The following PICALM variants were observed in gnomAD, a reference collection of about 807,000 sequenced individuals.
PICALM encodes the protein phosphatidylinositol binding clathrin assembly protein.
PICALM carries 40 observed loss-of-function variants against 80.5 expected under a neutral mutation model. The observed-to-expected ratio is 0.50, with a 90% CI of 0.39 to 0.65. PICALM has a LOEUF of 0.65. PICALM is among the 30% of genes least tolerant of loss of function. The pLI, the probability that PICALM is intolerant of heterozygous loss-of-function variation, is 0.00. For synonymous variants in PICALM, 288 were observed against 260.3 expected, an observed-to-expected ratio of 1.11 and a Z score of -1.02; for missense variants, 676 against 778.9, an observed-to-expected ratio of 0.87 and a Z score of 1.57.
At chr11:85,982,381 T>C (rs1336767548) in intron 14 of PICALM, among the ~76,000 whole-genome samples, 2 of 150,556 alleles carry the variant, frequency 1.3e-5, no homozygotes, top group African/African-American at 2.4e-5. Flanking sequence ...TCTGGAACTT[T>C]GAAAAAAGTT....
intron 1 of PICALM, among the ~76,000 whole-genome samples, chr11:86,046,133 T>C (rs887562368): frequency 1.3e-5 from 2 of 152,244 alleles, no homozygotes; most frequent in African/African-American, 2.4e-5. Flanking sequence ...CTAAGAGCTA[T>C]TCATTTTCAA....
intron 4 of PICALM, among the ~76,000 whole-genome samples, chr11:86,016,180 T>C (rs2095478507): frequency 6.6e-6 from 1 of 152,212 alleles, no homozygotes; most frequent in Non-Finnish European, 1.5e-5. Flanking sequence ...ATTTGAACAT[T>C]GGCTCAGTCT....
At chr11:86,020,964 A>G (rs2095553148) in intron 4 of PICALM, among the ~76,000 whole-genome samples, 1 of 152,214 alleles carries the variant, frequency 6.6e-6, no homozygotes, top group South Asian at 2.1e-4. Flanking sequence ...AATATTTGCA[A>G]ATTATTTATG....
At chr11:85,969,800 T>A (rs546424884) in intron 19 of PICALM, 6 of 182,488 alleles carry the variant, frequency 3.3e-5, no homozygotes, top group Non-Finnish European at 7.1e-5. Context: ...ATTACAGACA[T>A]GAGCCACTGT....
intron 2 of PICALM, among the ~76,000 whole-genome samples, chr11:86,028,378 T>C (rs143843985): frequency 4.6e-5 from 7 of 152,334 alleles, no homozygotes; most frequent in Non-Finnish European, 7.3e-5. Context: ...CACTCTACTA[T>C]TGTGTATATT....
intron 17 of PICALM, among the ~76,000 whole-genome samples, chr11:85,979,317 C>T (rs1472092704): frequency 1.3e-5 from 2 of 151,896 alleles, no homozygotes; most frequent in Non-Finnish European, 1.5e-5. Flanking sequence ...TAATAAAACC[C>T]AGTCTCTACT....
chr11:86,052,272 T>C (rs986347384), intron 1 of PICALM, among the ~76,000 whole-genome samples: 1 of 152,214 alleles, frequency 6.6e-6, no homozygotes, highest in Non-Finnish European at 1.5e-5. Flanking sequence ...CTTTCTGCCA[T>C]AATTGTAAGT....
At chr11:86,007,974 A>T (rs930908757) in intron 7 of PICALM, among the ~76,000 whole-genome samples, 1 of 152,064 alleles carries the variant, frequency 6.6e-6, no homozygotes, top group African/African-American at 2.4e-5. Context: ...AAAAAAATTT[A>T]AGAAACAAAC....
chr11:85,964,774 G>C (rs1480173821), intron 19 of PICALM, among the ~76,000 whole-genome samples: 2 of 152,150 alleles, frequency 1.3e-5, no homozygotes, highest in African/African-American at 4.8e-5. Flanking sequence ...TCAGGTGCAG[G>C]AAACACTTTA....
At position 85,996,735 on chromosome 11, in the gene PICALM, A is replaced by T; in HGVS notation, c.1258+91T>A. 4 of 765,646 alleles carry T rather than the reference A, an allele frequency of 5.2e-6. No individual in the cohort carries two copies. In the South Asian group the frequency reaches 6.5e-5, roughly 12 times the overall value. The allele number at this position is 765,646 out of a possible 1,614,324, so 47.4% of individuals were successfully genotyped here. A position where few individuals can be genotyped will look rare whatever the true frequency, so the allele number is the denominator to read the frequency against. On this transcript the variant is annotated intron_variant, in intron 12 of 19. Coordinates refer to ENST00000393346, the MANE Select transcript of PICALM (RefSeq NM_007166.4). ...AATACTTATCAAGTTCTCATGTATC[A>T]AGTGTAATAAAAAACTACAAATAAG... is the stretch of plus-strand genomic sequence containing the variant.
chr11:86,005,632 G>A (rs1279185052), intron 8 of PICALM, among the ~76,000 whole-genome samples: 1 of 152,152 alleles, frequency 6.6e-6, no homozygotes, highest in African/African-American at 2.4e-5. Context: ...TTGAGCCTGG[G>A]AGGGTGAGGA....
intron 19 of PICALM, among the ~76,000 whole-genome samples, chr11:85,961,772 G>T (rs931672192): frequency 6.6e-6 from 1 of 152,174 alleles, no homozygotes; most frequent in Non-Finnish European, 1.5e-5. Flanking sequence ...TGACTAACTG[G>T]AAATAGTTTC....
At chr11:85,979,175 C>A (rs1312001573) in intron 17 of PICALM, among the ~76,000 whole-genome samples, 1 of 152,120 alleles carries the variant, frequency 6.6e-6, no homozygotes, top group African/African-American at 2.4e-5. Flanking sequence ...ATCTAAACTA[C>A]TTAAATGCAA....
intron 1 of PICALM, among the ~76,000 whole-genome samples, chr11:86,033,696 C>G (rs1344222539): frequency 6.6e-6 from 1 of 152,152 alleles, no homozygotes; most frequent in Non-Finnish European, 1.5e-5. Context: ...GTCTTTCTCT[C>G]TCAATTAAAA....
chr11:86,037,697 T>TA (rs78694481), intron 1 of PICALM, among the ~76,000 whole-genome samples: 27 of 148,374 alleles, frequency 1.8e-4, no homozygotes, highest in African/African-American at 2.5e-4. Flanking sequence ...AGACACTGTC[T>TA]AAAAAAAAAA....
intron 17 of PICALM, among the ~76,000 whole-genome samples, chr11:85,979,099 C>G (rs1490572206): frequency 6.6e-6 from 1 of 152,156 alleles, no homozygotes; most frequent in African/African-American, 2.4e-5. Context: ...TGGGGTGATA[C>G]ATGCTCCAAT....
Position 86,009,463 on chromosome 11 carries a change from G to A in PICALM, c.765+1567C>T, listed in dbSNP as rs545758912. Among the ~76,000 whole-genome samples, 6 of 152,146 alleles carry A rather than the reference G, an allele frequency of 3.9e-5. No individual in the cohort carries two copies. The East Asian group carries it at 5.8e-4, about 15-fold the overall frequency. On this transcript the variant is annotated intron_variant, in intron 7 of 19. Coordinates refer to ENST00000393346, the MANE Select transcript of PICALM (RefSeq NM_007166.4). ...TCCCAGCACTTTGGGAGGCCCAGGC[G>A]GGCAGATCACCTGAGGTCAGGAGTT...
At chr11:86,035,781 A>G (rs951317416) in intron 1 of PICALM, among the ~76,000 whole-genome samples, 1 of 11,466 alleles carries the variant, frequency 8.7e-5, no homozygotes, top group Admixed American at 5.8e-4. Flanking sequence ...TGTCTCTACT[A>G]AAAAAAAAAC....
In PICALM at chr11:86,044,833, T is replaced by G. The variant is rs189917938; in HGVS notation, c.131-13222A>C. Among the ~76,000 whole-genome samples, 5 of 152,262 alleles carry G rather than the reference T, an allele frequency of 3.3e-5. No individual in the cohort carries two copies. In the East Asian group the frequency reaches 9.7e-4, roughly 29 times the overall value. ...CAAGGGATCTAGGCTGTGCACTCCT[T>G]ATGAGAATCTAATGCCTATGATCGA... is the stretch of plus-strand genomic sequence containing the variant. On this transcript the variant is annotated intron_variant, in intron 1 of 19. Transcript: ENST00000393346.
Sources: allele counts gnomAD v4.1 joint callset (sites outside exome capture counted in the v4.1 genomes callset), GRCh38; gene constraint gnomAD v4.1.1; transcripts MANE v1.5; gene names NCBI Gene and HGNC (gene_info 2026-07-23, HGNC 2026-07-21).